DPP8: variants seen among roughly 807,000 people sequenced by gnomAD.
DPP8 encodes the protein DPP VIII.
DPP8 carries 31 observed loss-of-function variants against 107.5 expected under a neutral mutation model. The ratio of observed to expected loss-of-function variants is 0.29; its 90% CI spans 0.22 to 0.39. The LOEUF (loss-of-function observed/expected upper bound fraction) is 0.39. DPP8 is among the 10% of genes least tolerant of loss of function. The pLI is 1.00. For missense variants in DPP8, 842 were observed against 1,076.1 expected, an observed-to-expected ratio of 0.78 and a Z score of 3.04; for synonymous variants, 381 against 356.6, an observed-to-expected ratio of 1.07 and a Z score of -0.77.
intron 11 of DPP8, among the ~76,000 whole-genome samples, chr15:65,477,491 G>A (rs961099059): frequency 6.6e-6 from 1 of 151,306 alleles, no homozygotes; most frequent in Non-Finnish European, 1.5e-5. Context: ...GGAAAAAATG[G>A]TCACAATGTT....
rs192697222 is a variant in DPP8 at position 65,487,662 on chromosome 15, G to A, written c.955+28C>T. 3.1e-5 allele frequency: 49 copies of A among 1,587,010 alleles called. No homozygotes were observed. In the African/African-American group the frequency reaches 6.5e-4, roughly 21 times the overall value. ...TCTTATTTGGAAAGAGGAAATGAGTGAATATAAATGCCAATGGAGTACAGT... is the reference window on the plus strand; with the variant it reads ...TCTTATTTGGAAAGAGGAAATGAGTAAATATAAATGCCAATGGAGTACAGT... On this transcript the variant is annotated intron_variant, in intron 7 of 19. Coordinates refer to ENST00000300141, the MANE Select transcript of DPP8 (RefSeq NM_130434.5).
At chr15:65,465,167 C>CTTTTT (rs199937501) in intron 14 of DPP8, among the ~76,000 whole-genome samples, 2 of 127,746 alleles carry the variant, frequency 1.6e-5, no homozygotes, top group African/African-American at 3.0e-5. Context: ...TTTGTTTTTT[C>CTTTTT]TTTTTTTTTT....
At position 65,512,575 on chromosome 15, in the gene DPP8, A is replaced by G; in HGVS notation, c.-11-11T>C. 6.2e-7 allele frequency: 1 copy of G among 1,613,894 alleles called. No homozygotes were observed. The highest frequency in any genetic ancestry group is 1.1e-5 in the South Asian group (1 of 91,076). On this transcript the variant is annotated splice_polypyrimidine_tract_variant and intron_variant, in intron 1 of 19. Transcript: ENST00000300141. Reference sequence around the variant, plus strand: ...CCATGTTGCATTTTCCTAGAAAAACAAGGCACATGAAGCTGTTCACGGGTC... The same window carrying G: ...CCATGTTGCATTTTCCTAGAAAAACGAGGCACATGAAGCTGTTCACGGGTC...
intron 4 of DPP8, among the ~76,000 whole-genome samples, chr15:65,499,826 A>G (rs1374905545): frequency 6.6e-6 from 1 of 152,180 alleles, no homozygotes; most frequent in Non-Finnish European, 1.5e-5. Context: ...TGGGCCTCCC[A>G]AAGTGCTGGA....
chr15:65,480,454 G>C (rs943230266), intron 9 of DPP8, 55 bp from the exon 10 acceptor site: 25 of 1,381,610 alleles, frequency 1.8e-5, no homozygotes, highest in East Asian at 2.3e-5. Flanking sequence ...ATCAGAAAAA[G>C]ATTTCCCTAT....
intron 2 of DPP8, 75 bp downstream of exon 2, chr15:65,512,220 A>C (rs548653516): frequency 7.2e-7 from 1 of 1,387,052 alleles, no homozygotes; most frequent in Admixed American, 1.9e-5. Context: ...CAAACTTTTG[A>C]GTGTCAATTA....
At chr15:65,484,036 A>T (rs2067176977) in intron 8 of DPP8, among the ~76,000 whole-genome samples, 1 of 152,120 alleles carries the variant, frequency 6.6e-6, no homozygotes, top group Non-Finnish European at 1.5e-5. Flanking sequence ...AAGTAGATTA[A>T]TGGTTGTCTA....
chr15:65,511,146 G>A (rs543738499), intron 2 of DPP8, among the ~76,000 whole-genome samples: 1 of 152,216 alleles, frequency 6.6e-6, no homozygotes, highest in South Asian at 2.1e-4. Context: ...TGTGCAAAAT[G>A]ATCTAATACA....
Position 65,442,838 on chromosome 15 carries a change from A to C in DPP8, c.*4046T>G, listed in dbSNP as rs1039947526. The C allele has an allele frequency of 2.0e-5, 3 of 152,218 alleles. No individual in the cohort carries two copies. The highest frequency in any genetic ancestry group is 7.2e-5 in the African/African-American group (3 of 41,452). The allele number at this position is 152,218 out of a possible 1,614,324, so 9.4% of individuals were successfully genotyped here. A position where few individuals can be genotyped will look rare whatever the true frequency, so the allele number is the denominator to read the frequency against. ...GGAAGATGGCTAGGTGAGGCTGGGA[A>C]GGTGGGAATCAAAAAAGTTTCCTTT... On this transcript the variant is annotated 3_prime_UTR_variant, in exon 20 of 20. Transcript: ENST00000300141.
chr15:65,503,460 A>T (rs1440305736), intron 3 of DPP8, among the ~76,000 whole-genome samples: 5 of 147,498 alleles, frequency 3.4e-5, no homozygotes, highest in African/African-American at 7.5e-5. Flanking sequence ...TTTTTTTTTG[A>T]GACAGAGTCT....
chr15:65,467,079 T>G lies in DPP8; in HGVS notation c.1681A>C (p.Ile561Leu). 6.2e-7 allele frequency: 1 copy of G among 1,614,192 alleles called. No homozygotes were observed. Among genetic ancestry groups the G allele is most frequent in the Non-Finnish European group, 8.5e-7 (1 of 1,180,036 alleles). The change falls in exon 13 of 20, where the codon ATC becomes CTC. Residue 561 changes from isoleucine (I) to leucine (L), a missense_variant. Transcript: ENST00000300141. ...TDRGYSHSCC[I>L]SQHCDFFISK... ...TTAAACAAACTTAATACCTGACTGA[T>G]GCAGCAAGAATGTGAGTAGCCACGG...
At chr15:65,484,845 C>T (rs1596000596) in intron 8 of DPP8, among the ~76,000 whole-genome samples, 2 of 152,092 alleles carry the variant, frequency 1.3e-5, no homozygotes, top group Non-Finnish European at 1.5e-5. Context: ...TTTCTTTTAA[C>T]ATTAATCTGG....
At chr15:65,474,154 A>G in intron 12 of DPP8, 55 bp downstream of exon 12, 1 of 1,235,080 alleles carries the variant, frequency 8.1e-7, no homozygotes, top group Non-Finnish European at 1.2e-6. Flanking sequence ...CATTTTTAGC[A>G]CTGCATTCAC....
rs924353807 is a variant in DPP8 at position 65,445,094 on chromosome 15, T to C, written c.*1790A>G. 1 of 152,168 alleles carries C rather than the reference T, an allele frequency of 6.6e-6. No homozygotes were observed. Among genetic ancestry groups the C allele is most frequent in the African/African-American group, 2.4e-5 (1 of 41,432 alleles). The allele number at this position is 152,168 out of a possible 1,614,324, so 9.4% of individuals were successfully genotyped here. ...AAAGCGTGGTATCTATTATACAGTA[T>C]AAATACAAACAGCAAAACCCAATAC... On this transcript the variant is annotated 3_prime_UTR_variant, in exon 20 of 20. Transcript: ENST00000300141.
intron 13 of DPP8, 102 bp downstream of exon 13, chr15:65,466,969 G>A: frequency 3.4e-6 from 5 of 1,482,910 alleles, no homozygotes; most frequent in Admixed American, 2.1e-5. Context: ...TTTCCTTAGA[G>A]AATTAGGCTT....
chr15:65,502,531 A>T (rs181139901), intron 3 of DPP8, among the ~76,000 whole-genome samples: 132 of 152,226 alleles, frequency 8.7e-4, no homozygotes, highest in African/African-American at 3.0e-3. Flanking sequence ...TACAAAAATT[A>T]GCCGAGCATG....
intron 8 of DPP8, among the ~76,000 whole-genome samples, chr15:65,484,004 T>C (rs2067173139): frequency 6.6e-6 from 1 of 152,102 alleles, no homozygotes; most frequent in African/African-American, 2.4e-5. Flanking sequence ...ATGTCCAGAA[T>C]AGGCAAATTT....
At position 65,481,535 on chromosome 15, in the gene DPP8, T is replaced by C. The variant is rs2066924687; in HGVS notation, c.1098A>G (p.Gly366=). Residue 366 remains glycine, a synonymous_variant, in exon 9 of 20, where the codon GGA becomes GGG. Coordinates refer to ENST00000300141, the MANE Select transcript of DPP8 (RefSeq NM_130434.5). Reference sequence around the variant, plus strand: ...CGCACTATTTTCCCTCAGGAGTCCATCCAGCTCTGGCAATATATTCAACTC... The same window carrying C: ...CGCACTATTTTCCCTCAGGAGTCCACCCAGCTCTGGCAATATATTCAACTC... The part of the protein sequence containing the change: ...FEGVEYIARA[G]WTPEGKYAWS... 6.3e-7 allele frequency: 1 copy of C among 1,587,270 alleles called. No homozygotes were observed. Among genetic ancestry groups the C allele is most frequent in the Non-Finnish European group, 8.6e-7 (1 of 1,168,958 alleles).
rs1567173379 is a variant in DPP8, at chr15:65,467,141, C to T, written c.1619G>A (p.Ser540Asn). The part of the protein sequence containing the change: ...SPLEHHLYVV[S>N]YVNPGEVTRL... Reference sequence around the variant, plus strand: ...TGTCACCTCTCCAGGATTTACGTAACTGACTACGTACAGGTGATGCTCTAA... The same window carrying T: ...TGTCACCTCTCCAGGATTTACGTAATTGACTACGTACAGGTGATGCTCTAA... Residue 540 changes from serine (S) to asparagine (N), a missense_variant, in exon 13 of 20, where the codon AGT (serine) becomes AAT (asparagine). Around this residue, in one of 2 missense-constraint regions of DPP8, gnomAD observed 663 missense variants for 758.0 expected, o/e 0.87. Coordinates refer to ENST00000300141, the MANE Select transcript of DPP8 (RefSeq NM_130434.5). 1 of 1,614,084 alleles carries T rather than the reference C, an allele frequency of 6.2e-7. No homozygotes were observed. The highest frequency in any genetic ancestry group is 2.2e-5 in the East Asian group (1 of 44,878).
Sources: gnomAD v4.1 joint callset for allele counts (sites outside exome capture counted in the v4.1 genomes callset) on GRCh38, gnomAD v4.1.1 for gene constraint, gnomAD v4.1.1 regional missense constraint, MANE v1.5 for transcripts, NCBI Gene and HGNC (gene_info 2026-07-23, HGNC 2026-07-21) for gene names.